Variants in NECTIN3 observed in about 807,000 individuals in gnomAD.
NECTIN3 encodes nectin cell adhesion molecule 3.
A neutral mutation model predicts 49.4 loss-of-function variants in NECTIN3; 8 were observed. The ratio of observed to expected loss-of-function variants is 0.16; its 90% CI spans 0.10 to 0.29. The LOEUF (loss-of-function observed/expected upper bound fraction) is 0.29, where lower values mean the gene tolerates loss of function less well. Among genes scored for constraint, NECTIN3 ranks in the 10% least tolerant of loss-of-function variants. NECTIN3 has a pLI of 1.00. For missense variants in NECTIN3, 581 were observed against 654.6 expected (o/e 0.89, Z 1.23); for synonymous variants, 277 against 241.1 (o/e 1.15, Z -1.38).
At position 111,100,725 on chromosome 3, in the gene NECTIN3, A is replaced by G. The variant is rs182449234; in HGVS notation, c.161-11305A>G. Among the ~76,000 whole-genome samples the G allele has an allele frequency of 3.9e-5, 6 of 152,132 alleles. No individual in the cohort carries two copies. The East Asian group carries it at 5.8e-4, about 15-fold the overall frequency. ...TAACTTTAAGACTTTTTTAAAAACT[A>G]ATTTTGAAATTATTTTAAAAATAAT... On this transcript the variant is annotated intron_variant, in intron 1 of 5. Transcript: ENST00000485303.
chr3:111,103,144 C>T (rs374458892), intron 1 of NECTIN3, among the ~76,000 whole-genome samples: 4 of 152,024 alleles, frequency 2.6e-5, no homozygotes, highest in East Asian at 3.9e-4. Context: ...TTTGTTTCTC[C>T]GTATACATTT....
At chr3:111,178,147 G>C (rs1179145862) in intron 7 of NECTIN3, among the ~76,000 whole-genome samples, 2 of 152,094 alleles carry the variant, frequency 1.3e-5, no homozygotes, top group East Asian at 3.9e-4. Context: ...CTTCCTTTTG[G>C]TTAAGACAGC....
chr3:111,133,021 A>G (rs1192050542), intron 5 of NECTIN3, among the ~76,000 whole-genome samples: 1 of 151,698 alleles, frequency 6.6e-6, no homozygotes, highest in Non-Finnish European at 1.5e-5. Context: ...AAAAATTTTG[A>G]GCTTTTTTAT....
chr3:111,142,222 A>G (rs754536806), downstream of NECTIN3, among the ~76,000 whole-genome samples: 2 of 151,928 alleles, frequency 1.3e-5, no homozygotes, highest in Non-Finnish European at 2.9e-5. Flanking sequence ...TCAGAAAAGA[A>G]AACATGAAAT....
rs2034543748 is a variant in NECTIN3 at position 111,135,398 on chromosome 3, T to G, written c.*1183T>G. 9.6e-6 allele frequency: 9 copies of G among 933,850 alleles called. No individual in the cohort carries two copies. Among genetic ancestry groups the G allele is most frequent in the Non-Finnish European group, 1.1e-5 (9 of 783,312 alleles). The allele number at this position is 933,850 out of a possible 1,614,324, so 57.8% of individuals were successfully genotyped here. A position where few individuals can be genotyped will look rare whatever the true frequency, so the allele number is the denominator to read the frequency against. ...GGAAACATGAGGTTTTTTGTTTTTGTTTTTTTACATAATTACATATATTCC... is the reference window on the plus strand; with the variant it reads ...GGAAACATGAGGTTTTTTGTTTTTGGTTTTTTACATAATTACATATATTCC... On this transcript the variant is annotated 3_prime_UTR_variant, in exon 6 of 6. Transcript: ENST00000485303.
chr3:111,181,287 G>T (rs1285153405), intron 7 of NECTIN3, among the ~76,000 whole-genome samples: 7 of 152,062 alleles, frequency 4.6e-5, no homozygotes, highest in Non-Finnish European at 1.0e-4. Context: ...CCATGTTATT[G>T]CATGAATAAA....
At position 111,077,503 on chromosome 3, in the gene NECTIN3, C is replaced by T. The variant is rs149804914; in HGVS notation, c.160+5326C>T. On this transcript the variant is annotated intron_variant, in intron 1 of 5. Transcript: ENST00000485303. ...AATAGCTATTCTCAAATAGTTAGAG[C>T]CTGCAAAGATAGGATGTGTGAGTTA... Among the ~76,000 whole-genome samples the T allele has an allele frequency of 5.9e-3, 884 of 150,818 alleles. 24 individuals are homozygous for T. Among genetic ancestry groups the T allele is most frequent in the East Asian group, 0.021 (111 of 5,180 alleles).
intron 7 of NECTIN3, among the ~76,000 whole-genome samples, chr3:111,180,363 T>G (rs547719642): frequency 7.9e-5 from 12 of 152,200 alleles, no homozygotes; most frequent in Non-Finnish European, 1.5e-4. Flanking sequence ...ATGAGAGACA[T>G]TCATATGACT....
chr3:111,126,092 A>C, intron 4 of NECTIN3, 92 bp from the exon 5 acceptor site: 1 of 866,874 alleles, frequency 1.2e-6, no homozygotes, highest in Non-Finnish European at 1.6e-6. Context: ...ATTTTGACTA[A>C]CATCTCAAAC....
chr3:111,146,025 A>T (rs548356812), intron 6 of NECTIN3, among the ~76,000 whole-genome samples: 1 of 152,278 alleles, frequency 6.6e-6, no homozygotes, highest in African/African-American at 2.4e-5. Context: ...GGCACCTTGG[A>T]GCTAGAAATT....
At chr3:111,175,714 T>TAA (rs765289885) in intron 7 of NECTIN3, among the ~76,000 whole-genome samples, 9 of 152,160 alleles carry the variant, frequency 5.9e-5, no homozygotes, top group Non-Finnish European at 1.2e-4. Context: ...CACTGTGTTT[T>TAA]AACTAACTTC....
At position 111,098,275 on chromosome 3, in the gene NECTIN3, CTT is replaced by C. The variant is rs568265571; in HGVS notation, c.161-13754_161-13753del. ...CATGCCAAATTTAGTGCAATACTCT[CTT>C]ATATTAGTTTCCTAGGGCTTCTATA... is the stretch of plus-strand genomic sequence containing the variant. On this transcript the variant is annotated intron_variant, in intron 1 of 5. Transcript: ENST00000485303. Among the ~76,000 whole-genome samples, 550 of 152,270 alleles carry C rather than the reference CTT, an allele frequency of 3.6e-3. 9 individuals are homozygous for C. Among genetic ancestry groups the C allele is most frequent in the Middle Eastern group, 0.01 (3 of 294 alleles).
In NECTIN3 at chr3:111,112,381, C is replaced by T. The variant is rs748577503; in HGVS notation, c.502+10C>T. On this transcript the variant is annotated intron_variant, in intron 2 of 5. Coordinates refer to ENST00000485303, the MANE Select transcript of NECTIN3 (RefSeq NM_015480.3). Reference sequence around the variant, plus strand: ...ACTGTAACTGTGTTAGGTAGGTATGCTTGAATTATGTATTTTGGTGATAGT... The same window carrying T: ...ACTGTAACTGTGTTAGGTAGGTATGTTTGAATTATGTATTTTGGTGATAGT... 2 of 1,473,154 alleles carry T rather than the reference C, an allele frequency of 1.4e-6. No homozygotes were observed. Among genetic ancestry groups the T allele is most frequent in the East Asian group, 4.7e-5 (2 of 42,920 alleles). 91.3% of individuals were successfully genotyped at this position (1,473,154 alleles called of 1,614,324 possible).
chr3:111,185,944 T>A (rs2035711748), intron 7 of NECTIN3, among the ~76,000 whole-genome samples: 1 of 152,182 alleles, frequency 6.6e-6, no homozygotes, highest in Admixed American at 6.5e-5. Flanking sequence ...TCAGAGTTTC[T>A]TGACAGGCAT....
Position 111,105,384 on chromosome 3 carries a change from C to T in NECTIN3, c.161-6646C>T, listed in dbSNP as rs192094157. 3.1e-3 allele frequency among the ~76,000 whole-genome samples: 478 copies of T among 152,174 alleles called. 2 individuals are homozygous for T. The highest frequency in any genetic ancestry group is 0.011 in the African/African-American group (446 of 41,514). On this transcript the variant is annotated intron_variant, in intron 1 of 5. Coordinates refer to ENST00000485303, the MANE Select transcript of NECTIN3 (RefSeq NM_015480.3). ...CTGACCTCAAGCAATTTACCTGCCT[C>T]GGCCTCCCAAAGTGTTTAAATTACA...
intron 1 of NECTIN3, among the ~76,000 whole-genome samples, chr3:111,103,889 C>G (rs1271888402): frequency 1.3e-5 from 2 of 152,128 alleles, no homozygotes; most frequent in Non-Finnish European, 1.5e-5. Flanking sequence ...GGGTTTACCA[C>G]AATTTGTATA....
At chr3:111,106,340 G>A (rs890851785) in intron 1 of NECTIN3, among the ~76,000 whole-genome samples, 1 of 152,050 alleles carries the variant, frequency 6.6e-6, no homozygotes, top group African/African-American at 2.4e-5. Context: ...ATGTGACCCA[G>A]GTTTCTCCTT....
Position 111,136,856 on chromosome 3 carries a change from T to C in NECTIN3, c.*2641T>C. On this transcript the variant is annotated 3_prime_UTR_variant, in exon 6 of 6. Coordinates refer to ENST00000485303, the MANE Select transcript of NECTIN3 (RefSeq NM_015480.3). ...ATTTTTCTGCCATTTTTTATTAAAA[T>C]ACATTGAAACTAAAGTAGGCTCGGG... 1 of 961,534 alleles carries C rather than the reference T, an allele frequency of 1.0e-6. No individual in the cohort carries two copies. Among genetic ancestry groups the C allele is most frequent in the Non-Finnish European group, 1.2e-6 (1 of 808,354 alleles). 59.6% of individuals were successfully genotyped at this position (961,534 alleles called of 1,614,324 possible).
intron 1 of NECTIN3, among the ~76,000 whole-genome samples, chr3:111,078,999 T>C (rs1233990700): frequency 6.6e-6 from 1 of 152,132 alleles, no homozygotes; most frequent in Non-Finnish European, 1.5e-5. Context: ...AATGGAAGTA[T>C]GCTAATGTGA....
Sources: allele counts gnomAD v4.1 joint callset (sites outside exome capture counted in the v4.1 genomes callset), GRCh38; gene constraint gnomAD v4.1.1; transcripts MANE v1.5; gene names NCBI Gene and HGNC (gene_info 2026-07-23, HGNC 2026-07-21).